Variants in CACNB4 observed in about 807,000 individuals in gnomAD.
CACNB4 encodes calcium voltage-gated channel auxiliary subunit beta 4, also known as voltage-dependent L-type calcium channel subunit beta-4.
In CACNB4, 32 loss-of-function variants were observed where a neutral mutation model predicts 71.2. The observed-to-expected ratio is 0.45, with a 90% CI of 0.34 to 0.60. CACNB4 has a LOEUF of 0.60. Ranked by LOEUF, CACNB4 falls within the 20% of genes least tolerant of loss-of-function variation. The pLI is 0.01. For missense variants in CACNB4, 464 were observed against 647.9 expected, an observed-to-expected ratio of 0.72 and a Z score of 3.08; for synonymous variants, 231 against 236.9, an observed-to-expected ratio of 0.97 and a Z score of 0.23.
Position 151,892,868 on chromosome 2 carries a change from C to T in CACNB4, c.148-9498G>A, listed in dbSNP as rs1471953961. ...CTTCACCCAAAGGGTGTACACTCTTCCTGCCTCCAGGGGTTGCTGGAAATT... is the reference window on the plus strand; with the variant it reads ...CTTCACCCAAAGGGTGTACACTCTTTCTGCCTCCAGGGGTTGCTGGAAATT... On this transcript the variant is annotated intron_variant, in intron 2 of 13. Transcript: ENST00000539935. 2.6e-5 allele frequency among the ~76,000 whole-genome samples: 4 copies of T among 152,304 alleles called. No individual in the cohort carries two copies. In the East Asian group the frequency reaches 7.7e-4, roughly 29 times the overall value.
At chr2:151,935,864 A>G (rs941886444) in intron 2 of CACNB4, among the ~76,000 whole-genome samples, 2 of 152,252 alleles carry the variant, frequency 1.3e-5, no homozygotes, top group African/African-American at 4.8e-5. Context: ...CCTTCAAGGA[A>G]TATAAAATGC....
chr2:152,097,094 G>A (rs1011404731), intron 2 of CACNB4, among the ~76,000 whole-genome samples: 1 of 152,152 alleles, frequency 6.6e-6, no homozygotes, highest in African/African-American at 2.4e-5. Context: ...AATCCAAAAT[G>A]CATTTATTTC....
At chr2:151,880,405 T>C (rs2099847538) in intron 4 of CACNB4, 1 of 267,790 alleles carries the variant, frequency 3.7e-6, no homozygotes, top group East Asian at 1.4e-4. Context: ...ATAGTCTACA[T>C]GTCTATAATT....
rs74727280 is a variant in CACNB4, at chr2:151,840,203, G to A, written c.1303-824C>T. Reference sequence around the variant, plus strand: ...GGATCCTGCTGAAACCATGGGCCCAGACACATCTCATCTAAAGTACACTCA... The same window carrying A: ...GGATCCTGCTGAAACCATGGGCCCAAACACATCTCATCTAAAGTACACTCA... On this transcript the variant is annotated intron_variant, in intron 13 of 13. Coordinates refer to ENST00000539935, the MANE Select transcript of CACNB4 (RefSeq NM_000726.5). Among the ~76,000 whole-genome samples the A allele has an allele frequency of 6.5e-3, 993 of 152,282 alleles. 11 individuals carry two copies. The highest frequency in any genetic ancestry group is 0.023 in the African/African-American group (936 of 41,562).
At position 151,855,370 on chromosome 2, in the gene CACNB4, C is replaced by T. The variant is rs775533289; in HGVS notation, c.874G>A (p.Val292Ile). Residue 292 changes from valine to isoleucine, a missense_variant, in exon 11 of 14, where the codon GTA becomes ATA. Val to Ile is a conservative substitution (Grantham distance 29). This residue lies in a region of CACNB4 where 299 missense variants were observed against 471.7 expected (regional missense o/e 0.63). Coordinates refer to ENST00000539935, the MANE Select transcript of CACNB4 (RefSeq NM_000726.5). ...AAGATTCTTTCAATTTCACTTTGTA[C>T]TTCCGCTTAAAGGAAAAATAATAAA... ...RSNTRSSLAE[V>I]QSEIERIFEL... The T allele has an allele frequency of 2.5e-6, 4 of 1,585,392 alleles. No homozygotes were observed. Among genetic ancestry groups the T allele is most frequent in the Non-Finnish European group, 1.7e-6 (2 of 1,157,418 alleles).
upstream of CACNB4, chr2:152,099,083 GA>G (rs952837845): frequency 3.2e-5 from 33 of 1,018,174 alleles, no homozygotes; most frequent in East Asian, 1.2e-4. Context: ...CTGGGCTGCG[GA>G]CGGAGGGGGA....
At chr2:151,911,116 G>A (rs1350095620) in intron 2 of CACNB4, among the ~76,000 whole-genome samples, 1 of 152,146 alleles carries the variant, frequency 6.6e-6, no homozygotes, top group Non-Finnish European at 1.5e-5. Context: ...TGCTGTTGGT[G>A]TAAAGGAATG....
At chr2:151,909,391 A>G (rs2099855616) in intron 2 of CACNB4, among the ~76,000 whole-genome samples, 1 of 150,840 alleles carries the variant, frequency 6.6e-6, no homozygotes, top group African/African-American at 2.4e-5. Context: ...AGCCGAGATC[A>G]TGCCACTGCA....
At position 151,874,809 on chromosome 2, in the gene CACNB4, G is replaced by A. The variant is rs150895651; in HGVS notation, c.521+1617C>T. 821 of 394,010 alleles carry A rather than the reference G, an allele frequency of 2.1e-3. 1 individual carries two copies. Among genetic ancestry groups the A allele is most frequent in the Non-Finnish European group, 3.0e-3 (672 of 223,436 alleles). The allele number at this position is 394,010 out of a possible 1,614,324, so 24.4% of individuals were successfully genotyped here. ...TGCGACACAATACATGCAGACTCAG[G>A]ATGATTTGGTTTCTCTTCTGTCAAG... On this transcript the variant is annotated intron_variant, in intron 5 of 13. Transcript: ENST00000539935.
At chr2:152,023,108 G>C (rs1315226512) in intron 2 of CACNB4, among the ~76,000 whole-genome samples, 1 of 151,792 alleles carries the variant, frequency 6.6e-6, no homozygotes, top group Non-Finnish European at 1.5e-5. Context: ...GGGGGTCCAT[G>C]AGGGGGTGAG....
chr2:151,954,159 A>T (rs531317228), intron 2 of CACNB4, among the ~76,000 whole-genome samples: 1 of 152,340 alleles, frequency 6.6e-6, no homozygotes, highest in South Asian at 2.1e-4. Flanking sequence ...CCGCAGCTTC[A>T]CTATAATGTA....
At chr2:151,896,766 T>C (rs1434266511) in intron 2 of CACNB4, among the ~76,000 whole-genome samples, 2 of 152,228 alleles carry the variant, frequency 1.3e-5, no homozygotes, top group Non-Finnish European at 2.9e-5. Flanking sequence ...AGTTTAACCT[T>C]TGGAACTAGG....
chr2:152,027,750 G>A (rs113977861), intron 2 of CACNB4, among the ~76,000 whole-genome samples: 11,229 of 151,406 alleles, frequency 0.074, 1,414 homozygotes, highest in African/African-American at 0.26. Context: ...TACTCAGGAG[G>A]CTGAGGCAGG....
At chr2:151,903,987 A>G (rs1395226468) in intron 2 of CACNB4, among the ~76,000 whole-genome samples, 1 of 152,172 alleles carries the variant, frequency 6.6e-6, no homozygotes, top group Non-Finnish European at 1.5e-5. Flanking sequence ...GAAAGAAGGG[A>G]GGGAAGAAGG....
At chr2:151,847,266 G>A (rs933434119) in intron 12 of CACNB4, among the ~76,000 whole-genome samples, 2 of 152,216 alleles carry the variant, frequency 1.3e-5, no homozygotes, top group South Asian at 2.1e-4. Context: ...TATGGACCCA[G>A]CTACTGGGGA....
intron 2 of CACNB4, among the ~76,000 whole-genome samples, chr2:151,930,115 C>T (rs569255449): frequency 3.9e-5 from 6 of 152,176 alleles, no homozygotes; most frequent in African/African-American, 9.6e-5. Flanking sequence ...TATTATAAAG[C>T]TACAGTAATT....
chr2:151,915,412 G>A (rs1335861769), intron 2 of CACNB4, among the ~76,000 whole-genome samples: 2 of 152,204 alleles, frequency 1.3e-5, no homozygotes, highest in Non-Finnish European at 2.9e-5. Flanking sequence ...TAGGCAGTGC[G>A]AATCCCAGTG....
At chr2:151,905,850 C>T in intron 2 of CACNB4, among the ~76,000 whole-genome samples, 1 of 152,208 alleles carries the variant, frequency 6.6e-6, no homozygotes, top group East Asian at 1.9e-4. Context: ...CATAATTAAA[C>T]TTTTCACAAA....
chr2:152,054,780 C>T (rs544397625), intron 2 of CACNB4, among the ~76,000 whole-genome samples: 1 of 152,268 alleles, frequency 6.6e-6, no homozygotes, highest in South Asian at 2.1e-4. Flanking sequence ...TGTAAAGTGG[C>T]ATGTCATTGT....
Sources: allele counts gnomAD v4.1 joint callset (sites outside exome capture counted in the v4.1 genomes callset), GRCh38; gene constraint gnomAD v4.1.1; regional missense constraint gnomAD v4.1.1; transcripts MANE v1.5; gene names NCBI Gene and HGNC (gene_info 2026-07-23, HGNC 2026-07-21).